IGFN1: variants seen among roughly 807,000 people sequenced by gnomAD.
The protein encoded by IGFN1 is immunoglobulin like and fibronectin type III domain containing 1.
In IGFN1, 253 loss-of-function variants were observed where a neutral mutation model predicts 289.5. The ratio of observed to expected loss-of-function variants is 0.87; its 90% CI spans 0.79 to 0.97. IGFN1 has a LOEUF of 0.97. Among genes scored for constraint, IGFN1 ranks in the 50% least tolerant of loss-of-function variants. The pLI, the probability that IGFN1 is intolerant of heterozygous loss-of-function variation, is 0.00. For synonymous variants in IGFN1, 1,706 were observed against 1,788.5 expected (o/e 0.95, Z 1.16); for missense variants, 4,470 against 4,686.1 (o/e 0.95, Z 1.35).
At position 201,216,677 on chromosome 1, in the gene IGFN1, C is replaced by T. The variant is rs1653323385; in HGVS notation, c.9519C>T (p.Thr3173=). 6.2e-7 allele frequency: 1 copy of T among 1,614,006 alleles called. No homozygotes were observed. The highest frequency in any genetic ancestry group is 1.1e-5 in the South Asian group (1 of 91,082). Residue 3173 remains threonine (T), a synonymous_variant, in exon 16 of 24, where the codon ACC becomes ACT. Coordinates refer to ENST00000335211, the MANE Select transcript of IGFN1 (RefSeq NM_001164586.2). Reference sequence around the variant, plus strand: ...ATGTGGAGCCAGGCAGGAAGTATACCTTCCGAGTGCGGGCTGTGACCTCAG... The same window carrying T: ...ATGTGGAGCCAGGCAGGAAGTATACTTTCCGAGTGCGGGCTGTGACCTCAG... ...DAHVEPGRKY[T]FRVRAVTSEG...
Position 201,212,886 on chromosome 1 carries a change from C to A in IGFN1, c.7993C>A (p.His2665Asn), listed in dbSNP as rs1395967812. Residue 2665 changes from histidine (H) to asparagine (N), a missense_variant, in exon 12 of 24, where the codon CAT (histidine) becomes AAT (asparagine). His to Asn is a moderately conservative substitution (Grantham distance 68). Around this residue, in one of 8 missense-constraint regions of IGFN1, gnomAD observed 2,218 missense variants for 2,114.1 expected, o/e 1.05. Transcript: ENST00000335211. ...GAAAGATGCCGCTTTTGGTGGGACC[C>A]ATGAAGGGCCAGGGGGCTTTAAGGG... Reference protein sequence around the residue: ...QEKDAAFGGTHEGPGGFKGGE... With the variant: ...QEKDAAFGGTNEGPGGFKGGE... 6.4e-7 allele frequency: 1 copy of A among 1,551,228 alleles called. No homozygotes were observed. The highest frequency in any genetic ancestry group is 8.7e-7 in the Non-Finnish European group (1 of 1,146,898).
At position 201,207,486 on chromosome 1, in the gene IGFN1, C is replaced by G. The variant is rs1667481620; in HGVS notation, c.2593C>G (p.Gln865Glu). 14 of 1,532,580 alleles carry G rather than the reference C, an allele frequency of 9.1e-6. No homozygotes were observed. Among genetic ancestry groups the G allele is most frequent in the Admixed American group, 4.0e-5 (2 of 50,494 alleles). 94.9% of individuals were successfully genotyped at this position (1,532,580 alleles called of 1,614,324 possible). A position where few individuals can be genotyped will look rare whatever the true frequency, so the allele number is the denominator to read the frequency against. ...GPGVLGPSGGQEGMGGIWVAG... is the reference protein window; with the variant it reads ...GPGVLGPSGGEEGMGGIWVAG... Reference sequence around the variant, plus strand: ...TGGAGTGCTGGGGCCCAGTGGAGGACAAGAGGGTATGGGTGGTATCTGGGT... The same window carrying G: ...TGGAGTGCTGGGGCCCAGTGGAGGAGAAGAGGGTATGGGTGGTATCTGGGT... The change falls in exon 12 of 24, where the codon CAA becomes GAA. Residue 865 changes from glutamine to glutamate, a missense_variant. By Grantham distance (29) the Gln-to-Glu change is conservative (BLOSUM62 2). Transcript: ENST00000335211.
rs556249104 is a variant in IGFN1 at position 201,201,668 on chromosome 1, C to T, written c.634-51C>T. ...GAGCCTATGAGGGTTCAGAGTACCC[C>T]GAAGAGAGAGCTTCATGAGCTCTCC... On this transcript the variant is annotated intron_variant, in intron 8 of 23. Transcript: ENST00000335211. 4.4e-4 allele frequency: 445 copies of T among 1,005,882 alleles called. 1 individual carries two copies. Among genetic ancestry groups the T allele is most frequent in the African/African-American group, 3.5e-3 (222 of 62,748 alleles). The allele number at this position is 1,005,882 out of a possible 1,614,324, so 62.3% of individuals were successfully genotyped here.
Position 201,217,443 on chromosome 1 carries a change from A to C in IGFN1, c.9752A>C (p.Asn3251Thr), listed in dbSNP as rs752224927. ...GGGAGCAACACCTGGACGGCAGTGAACGACCAGCCGGTGCCTGGTGAGCAT... is the reference window on the plus strand; with the variant it reads ...GGGAGCAACACCTGGACGGCAGTGACCGACCAGCCGGTGCCTGGTGAGCAT... ...KKGSNTWTAVNDQPVPERRWT... is the reference protein window; with the variant it reads ...KKGSNTWTAVTDQPVPERRWT... The change falls in exon 17 of 24, where the codon AAC (asparagine) becomes ACC (threonine). Residue 3251 changes from asparagine (N) to threonine (T), a missense_variant. This residue lies in a region of IGFN1 where 2,218 missense variants were observed against 2,114.1 expected (regional missense o/e 1.05). Transcript: ENST00000335211. 2.5e-6 allele frequency: 4 copies of C among 1,614,050 alleles called. No individual in the cohort carries two copies. The highest frequency in any genetic ancestry group is 3.4e-6 in the Non-Finnish European group (4 of 1,180,014).
chr1:201,215,856 C>A lies in IGFN1; in HGVS notation c.9295+18C>A. 6.2e-7 allele frequency: 1 copy of A among 1,604,970 alleles called. No homozygotes were observed. The highest frequency in any genetic ancestry group is 8.5e-7 in the Non-Finnish European group (1 of 1,176,138). ...AGTCATAGGTACCAGCCCTGTCTTC[C>A]CCCAACTAAGGCCTGAGAGTCCCTG... On this transcript the variant is annotated intron_variant, in intron 15 of 23. Coordinates refer to ENST00000335211, the MANE Select transcript of IGFN1 (RefSeq NM_001164586.2).
chr1:201,216,348 T>TG, intron 15 of IGFN1, 106 bp from the exon 16 acceptor site: 1 of 639,882 alleles, frequency 1.6e-6, no homozygotes, highest in Admixed American at 6.2e-5. Flanking sequence ...GATGAGTGGA[T>TG]GGGGGTGGGG....
intron 3 of IGFN1, among the ~76,000 whole-genome samples, chr1:201,195,010 G>T (rs1558132122): frequency 1.3e-5 from 2 of 152,268 alleles, no homozygotes; most frequent in South Asian, 4.1e-4. Context: ...TCCATGACAG[G>T]CATGGAGCAT....
chr1:201,212,915 G>C lies in IGFN1; in HGVS notation c.8022G>C (p.Gly2674=). Residue 2674 remains glycine, a synonymous_variant, in exon 12 of 24, where the codon GGG becomes GGC. Coordinates refer to ENST00000335211, the MANE Select transcript of IGFN1 (RefSeq NM_001164586.2). ...AAGGGCCAGGGGGCTTTAAGGGTGG[G>C]GAGGGTGCACCAGGCCAAGAGGCGG... ...THEGPGGFKG[G]EGAPGQEAAG... 1 of 1,551,548 alleles carries C rather than the reference G, an allele frequency of 6.4e-7. No homozygotes were observed. The highest frequency in any genetic ancestry group is 8.7e-7 in the Non-Finnish European group (1 of 1,146,984).
At position 201,225,807 on chromosome 1, in the gene IGFN1, T is replaced by A. The variant is rs1333628608; in HGVS notation, c.10487-17T>A. ...GGGTCCCCTCCACGTGACCTCCCTC[T>A]GCCGTCTCTCCTGAAGCATGCCCGC... On this transcript the variant is annotated splice_polypyrimidine_tract_variant and intron_variant, in intron 21 of 23. Coordinates refer to ENST00000335211, the MANE Select transcript of IGFN1 (RefSeq NM_001164586.2). 4 of 1,598,332 alleles carry A rather than the reference T, an allele frequency of 2.5e-6. No homozygotes were observed. Among genetic ancestry groups the A allele is most frequent in the Non-Finnish European group, 3.4e-6 (4 of 1,173,710 alleles).
In IGFN1 at chr1:201,205,157, C is replaced by T. The variant is rs1266701593; in HGVS notation, c.992C>T (p.Thr331Ile). The change falls in exon 11 of 24, where the codon ACC becomes ATC. Residue 331 changes from threonine to isoleucine, a missense_variant. Around this residue, in one of 8 missense-constraint regions of IGFN1, gnomAD observed 2,011 missense variants for 1,953.4 expected, o/e 1.03. Transcript: ENST00000335211. ...CAGGGTGACGCAGTCTTTGAATGTA[C>T]CCTCTCCAGCCCCTGCCCTAGTGCA... ...EEQGDAVFEC[T>I]LSSPCPSAAW... 1 of 1,551,144 alleles carries T rather than the reference C, an allele frequency of 6.4e-7. No individual in the cohort carries two copies. Among genetic ancestry groups the T allele is most frequent in the Admixed American group, 2.0e-5 (1 of 51,002 alleles).
intron 18 of IGFN1, among the ~76,000 whole-genome samples, chr1:201,221,105 G>A (rs1171390006): frequency 6.6e-6 from 1 of 152,222 alleles, no homozygotes; most frequent in Non-Finnish European, 1.5e-5. Flanking sequence ...AGTCATACGG[G>A]ATAATGGAAC....
intron 8 of IGFN1, among the ~76,000 whole-genome samples, chr1:201,200,886 C>A (rs1667123747): frequency 6.9e-6 from 1 of 144,006 alleles, no homozygotes; most frequent in South Asian, 2.2e-4. Flanking sequence ...GGCTGGAGTG[C>A]TGTGGCCGGA....
rs1320831246 is a variant in IGFN1, at chr1:201,215,578, G to A, written c.9035G>A (p.Arg3012Lys). 3 of 1,604,926 alleles carry A rather than the reference G, an allele frequency of 1.9e-6. No homozygotes were observed. The African/African-American group carries it at 4.0e-5, about 22-fold the overall frequency. The change falls in exon 15 of 24, where the codon AGA becomes AAA. Residue 3012 changes from arginine to lysine, a missense_variant. This residue lies in a region of IGFN1 where 2,218 missense variants were observed against 2,114.1 expected (regional missense o/e 1.05). Transcript: ENST00000335211. ...TIAPDVTEKLREPLVVKAGKP... is the reference protein window; with the variant it reads ...TIAPDVTEKLKEPLVVKAGKP... Reference sequence around the variant, plus strand: ...GCTCCAGATGTGACAGAGAAACTGAGAGAGCCACTGGTGGTCAAGGCTGGG... The same window carrying A: ...GCTCCAGATGTGACAGAGAAACTGAAAGAGCCACTGGTGGTCAAGGCTGGG...
intron 13 of IGFN1, among the ~76,000 whole-genome samples, chr1:201,214,666 C>A (rs1653088247): frequency 6.6e-6 from 1 of 152,142 alleles, no homozygotes; most frequent in Admixed American, 6.5e-5. Context: ...TCCATTAAAG[C>A]TGTCACCCCA....
At chr1:201,218,145 A>C (rs920736977) in intron 17 of IGFN1, among the ~76,000 whole-genome samples, 1 of 152,244 alleles carries the variant, frequency 6.6e-6, no homozygotes, top group African/African-American at 2.4e-5. Context: ...TCTGCTACTT[A>C]GGAGCTGAGG....
chr1:201,215,137 C>T lies in IGFN1; in HGVS notation c.8978C>T (p.Ala2993Val). The change falls in exon 14 of 24, where the codon GCC becomes GTC. Residue 2993 changes from alanine (A) to valine (V), a missense_variant. Physicochemically the swap from Ala to Val is moderately conservative, Grantham distance 64. Coordinates refer to ENST00000335211, the MANE Select transcript of IGFN1 (RefSeq NM_001164586.2). ...GTAGCTGGTGACCAGCAGAGCGAGG[C>T]CACCCTGACCGTCCAGGGTAAGGCC... is the stretch of plus-strand genomic sequence containing the variant. Reference protein sequence around the residue: ...TFVAGDQQSEATLTVQDSPTI... With the variant: ...TFVAGDQQSEVTLTVQDSPTI... The T allele has an allele frequency of 6.2e-7, 1 of 1,613,294 alleles. No homozygotes were observed. The highest frequency in any genetic ancestry group is 1.3e-5 in the African/African-American group (1 of 74,994).
At position 201,206,818 on chromosome 1, in the gene IGFN1, A is replaced by T; in HGVS notation, c.1925A>T (p.Asp642Val). The T allele has an allele frequency of 3.3e-6, 5 of 1,536,896 alleles. No individual in the cohort carries two copies. The highest frequency in any genetic ancestry group is 4.4e-6 in the Non-Finnish European group (5 of 1,146,876). ...DDSLAEMDRG[D>V]APSRERGRGI... The stretch of plus-strand genomic sequence containing the variant: ...AGCCTGGCTGAGATGGACAGAGGGG[A>T]TGCTCCAAGTAGGGAAAGGGGGAGA... Residue 642 changes from aspartate (D) to valine (V), a missense_variant, in exon 12 of 24, where the codon GAT becomes GTT. Physicochemically the swap from Asp to Val is radical, Grantham distance 152. Coordinates refer to ENST00000335211, the MANE Select transcript of IGFN1 (RefSeq NM_001164586.2).
At chr1:201,222,035 A>T (rs1004272108) in intron 19 of IGFN1, 1 of 271,800 alleles carries the variant, frequency 3.7e-6, no homozygotes. Context: ...CACTAATGGT[A>T]TGTGGTACAG....
At chr1:201,203,645 G>A in intron 9 of IGFN1, 93 bp from the exon 10 acceptor site, 1 of 1,222,154 alleles carries the variant, frequency 8.2e-7, no homozygotes, top group South Asian at 1.5e-5. Flanking sequence ...TGGGCCCGTG[G>A]GAGAAAACTG....
Sources: gnomAD v4.1 joint callset for allele counts (sites outside exome capture counted in the v4.1 genomes callset) on GRCh38, gnomAD v4.1.1 for gene constraint, gnomAD v4.1.1 regional missense constraint, MANE v1.5 for transcripts, NCBI Gene and HGNC (gene_info 2026-07-23, HGNC 2026-07-21) for gene names.